MYO5B: variants seen among roughly 807,000 people sequenced by gnomAD.
MYO5B encodes the protein unconventional myosin-Vb.
In MYO5B, 143 loss-of-function variants were observed where a neutral mutation model predicts 229.3. That is an observed-to-expected ratio of 0.62 (90% CI 0.54 to 0.72). MYO5B has a LOEUF of 0.72. Among genes scored for constraint, MYO5B ranks in the 30% least tolerant of loss-of-function variants. The probability of loss-of-function intolerance (pLI) is 0.00; values close to 1 mark genes in which losing one functional copy is unlikely to be tolerated. For synonymous variants in MYO5B, 918 were observed against 885.2 expected (o/e 1.04, Z -0.66); for missense variants, 2,321 against 2,331.0 (o/e 1.00, Z 0.09).
intron 1 of MYO5B, among the ~76,000 whole-genome samples, chr18:50,142,131 A>G (rs112003573): frequency 0.012 from 1,873 of 152,308 alleles, 20 homozygotes; most frequent in Middle Eastern, 0.041. Context: ...TGCTGTGGTC[A>G]CAAACCCCAT....
chr18:50,080,000 A>G (rs895300334), intron 1 of MYO5B, among the ~76,000 whole-genome samples: 1 of 152,130 alleles, frequency 6.6e-6, no homozygotes, highest in Admixed American at 6.5e-5. Flanking sequence ...TTTTAGTTCA[A>G]TTGTGGTAAA....
chr18:49,904,571 A>T, intron 20 of MYO5B, 101 bp downstream of exon 20: 1 of 1,451,782 alleles, frequency 6.9e-7, no homozygotes, highest in Non-Finnish European at 9.6e-7. Context: ...ATTTAGAAAA[A>T]AGTTGGGAGT....
At chr18:50,155,755 C>T (rs911886010) in intron 1 of MYO5B, among the ~76,000 whole-genome samples, 2 of 152,284 alleles carry the variant, frequency 1.3e-5, no homozygotes, top group African/African-American at 2.4e-5. Context: ...TCTTTCTGAT[C>T]GGTTAGTGAG....
At position 50,001,219 on chromosome 18, in the gene MYO5B, C is replaced by G. The variant is rs1568065550; in HGVS notation, c.612+36G>C. The stretch of plus-strand genomic sequence containing the variant: ...AGTCTTGCTGCCAGTGGGAGGAGCT[C>G]CAGCCAGGAAGGCCAGGACACCTAG... On this transcript the variant is annotated intron_variant, in intron 5 of 39. Coordinates refer to ENST00000285039, the MANE Select transcript of MYO5B (RefSeq NM_001080467.3). The G allele has an allele frequency of 3.1e-6, 5 of 1,613,772 alleles. No homozygotes were observed. The South Asian group carries it at 3.3e-5, about 11-fold the overall frequency.
intron 1 of MYO5B, among the ~76,000 whole-genome samples, chr18:50,187,119 T>C (rs1203197651): frequency 6.6e-6 from 1 of 152,196 alleles, no homozygotes; most frequent in East Asian, 1.9e-4. Flanking sequence ...TTATCCCTGC[T>C]CCAACCTGAC....
chr18:49,875,389 C>T (rs915960096), intron 26 of MYO5B, among the ~76,000 whole-genome samples: 2 of 152,294 alleles, frequency 1.3e-5, no homozygotes, highest in East Asian at 3.9e-4. Flanking sequence ...TTATTACACA[C>T]CCTGGTCCTC....
At chr18:49,835,266 G>T in intron 39 of MYO5B, 78 bp downstream of exon 39, 2 of 1,019,308 alleles carry the variant, frequency 2.0e-6, no homozygotes, top group Non-Finnish European at 3.1e-6. Context: ...ATAAAGAGAA[G>T]CAAGATTAAA....
intron 1 of MYO5B, among the ~76,000 whole-genome samples, chr18:50,068,060 C>T (rs547861362): frequency 2.6e-4 from 40 of 151,782 alleles, no homozygotes; most frequent in African/African-American, 9.2e-4. Context: ...CACACACACA[C>T]ACAACACTTT....
chr18:50,058,684 G>A (rs1414719356), intron 1 of MYO5B, among the ~76,000 whole-genome samples: 1 of 152,026 alleles, frequency 6.6e-6, no homozygotes, highest in Non-Finnish European at 1.5e-5. Context: ...GGTGGCGGGT[G>A]CCTGTAATCC....
chr18:49,867,764 C>A (rs141173641), intron 27 of MYO5B, among the ~76,000 whole-genome samples: 1 of 120,832 alleles, frequency 8.3e-6, no homozygotes, highest in Non-Finnish European at 2.0e-5. Context: ...CATTCTATAA[C>A]TCTGTAAGAT....
At chr18:49,865,569 G>A (rs1262286358) in intron 27 of MYO5B, among the ~76,000 whole-genome samples, 1 of 152,182 alleles carries the variant, frequency 6.6e-6, no homozygotes, top group East Asian at 1.9e-4. Flanking sequence ...GGAGCACTGG[G>A]TGTGGAGGCA....
At chr18:50,037,270 TAATAA>T (rs2026460095) in intron 3 of MYO5B, among the ~76,000 whole-genome samples, 1 of 150,748 alleles carries the variant, frequency 6.6e-6, no homozygotes, top group Non-Finnish European at 1.5e-5. Context: ...AAAATTGAGT[TAATAA>T]AATAGACATG....
chr18:49,936,420 T>A, intron 15 of MYO5B, 71 bp from the exon 16 acceptor site: 1 of 1,077,778 alleles, frequency 9.3e-7, no homozygotes, highest in East Asian at 2.6e-5. Flanking sequence ...AAAACTCATA[T>A]ATGGGTGGCG....
At chr18:50,017,473 T>C (rs1268166727) in intron 4 of MYO5B, among the ~76,000 whole-genome samples, 2 of 152,250 alleles carry the variant, frequency 1.3e-5, no homozygotes, top group Non-Finnish European at 2.9e-5. Context: ...GATGTATCCA[T>C]ACTTCATTCG....
intron 1 of MYO5B, among the ~76,000 whole-genome samples, chr18:50,182,790 G>A (rs1234684821): frequency 6.6e-6 from 1 of 152,134 alleles, no homozygotes; most frequent in Non-Finnish European, 1.5e-5. Flanking sequence ...GTGGCTCCTT[G>A]GTGAGGAGAG....
chr18:50,157,464 T>C (rs956700924), intron 1 of MYO5B, among the ~76,000 whole-genome samples: 2 of 152,184 alleles, frequency 1.3e-5, no homozygotes, highest in Non-Finnish European at 1.5e-5. Context: ...AACGCTCCCC[T>C]ATAATTTCTA....
chr18:50,095,029 C>G (rs896981274), intron 1 of MYO5B, among the ~76,000 whole-genome samples: 2 of 152,108 alleles, frequency 1.3e-5, no homozygotes, highest in Non-Finnish European at 2.9e-5. Flanking sequence ...AAGGTTTTGC[C>G]ATGTTGGCCA....
At chr18:50,102,413 G>T (rs1356649978) in intron 1 of MYO5B, among the ~76,000 whole-genome samples, 3 of 152,082 alleles carry the variant, frequency 2.0e-5, no homozygotes, top group Admixed American at 1.3e-4. Context: ...AGATTGCTGG[G>T]AGGGAACTCA....
chr18:49,979,608 C>T (rs1208173025), intron 9 of MYO5B, among the ~76,000 whole-genome samples: 1 of 152,200 alleles, frequency 6.6e-6, no homozygotes, highest in East Asian at 1.9e-4. Flanking sequence ...GGACACGTGC[C>T]CTCAGGTAGT....
Sources: allele counts gnomAD v4.1 joint callset (sites outside exome capture counted in the v4.1 genomes callset), GRCh38; gene constraint gnomAD v4.1.1; transcripts MANE v1.5; gene names NCBI Gene and HGNC (gene_info 2026-07-23, HGNC 2026-07-21).